Variants in TGFBR3 observed in about 807,000 individuals in gnomAD.
The protein encoded by TGFBR3 is transforming growth factor beta receptor 3.
In TGFBR3, 46 loss-of-function variants were observed where a neutral mutation model predicts 87.9. That is an observed-to-expected ratio of 0.52 (90% CI 0.41 to 0.67). TGFBR3 has a LOEUF of 0.67. TGFBR3 is among the 30% of genes least tolerant of loss of function. TGFBR3 has a pLI of 0.00. For synonymous variants in TGFBR3, 381 were observed against 391.6 expected, an observed-to-expected ratio of 0.97 and a Z score of 0.32; for missense variants, 866 against 1,041.9, an observed-to-expected ratio of 0.83 and a Z score of 2.32.
chr1:91,827,954 T>C (rs1280264580), intron 2 of TGFBR3, among the ~76,000 whole-genome samples: 2 of 152,212 alleles, frequency 1.3e-5, no homozygotes, highest in African/African-American at 4.8e-5. Context: ...GACTTGTTAT[T>C]AACCACACTG....
At chr1:91,784,867 C>T (rs1423400487) in intron 3 of TGFBR3, among the ~76,000 whole-genome samples, 2 of 152,196 alleles carry the variant, frequency 1.3e-5, no homozygotes, top group Non-Finnish European at 2.9e-5. Context: ...ATCTTCCACT[C>T]AGCCCCAGCC....
intron 3 of TGFBR3, among the ~76,000 whole-genome samples, chr1:91,766,018 G>A (rs1247365915): frequency 6.6e-6 from 1 of 151,730 alleles, no homozygotes; most frequent in Non-Finnish European, 1.5e-5. Flanking sequence ...CTATACAAAC[G>A]TATTTCCTCT....
chr1:91,809,253 T>C (rs1283798713), intron 2 of TGFBR3, among the ~76,000 whole-genome samples: 3 of 152,192 alleles, frequency 2.0e-5, no homozygotes, highest in South Asian at 2.1e-4. Flanking sequence ...TTTTTTATCA[T>C]TTGCAAACTG....
chr1:91,788,536 G>C (rs373178269), intron 3 of TGFBR3, among the ~76,000 whole-genome samples: 5 of 152,208 alleles, frequency 3.3e-5, no homozygotes, highest in African/African-American at 1.2e-4. Context: ...ACCGTGGAAG[G>C]AGTGATTGAA....
In TGFBR3 at chr1:91,735,489, TA is replaced by T. The variant is rs559081072; in HGVS notation, c.385-531del. Among the ~76,000 whole-genome samples the T allele has an allele frequency of 1.4e-4, 21 of 152,354 alleles. No homozygotes were observed. The East Asian group carries it at 3.9e-3, about 28-fold the overall frequency. On this transcript the variant is annotated intron_variant, in intron 4 of 16. Transcript: ENST00000212355. ...GTTTATGTTCACCTCAGCACTGAGATAAAAATGGCCAAAGGTTGCCAGCCTT... is the reference window on the plus strand; with the variant it reads ...GTTTATGTTCACCTCAGCACTGAGATAAAATGGCCAAAGGTTGCCAGCCTT...
At chr1:91,685,121 C>T (rs1291288676) in intron 16 of TGFBR3, among the ~76,000 whole-genome samples, 1 of 152,142 alleles carries the variant, frequency 6.6e-6, no homozygotes, top group Non-Finnish European at 1.5e-5. Context: ...GTCCCTGGGT[C>T]TGGTTACAGC....
At chr1:91,741,399 C>T (rs1031287544) in intron 4 of TGFBR3, among the ~76,000 whole-genome samples, 4 of 152,226 alleles carry the variant, frequency 2.6e-5, no homozygotes, top group South Asian at 2.1e-4. Context: ...CCCCACGCCC[C>T]GGCACCTCCA....
rs984252164 is a variant in TGFBR3, at chr1:91,813,152, C to G, written c.62-15681G>C. 3.3e-5 allele frequency among the ~76,000 whole-genome samples: 5 copies of G among 152,266 alleles called. No individual in the cohort carries two copies. In the South Asian group the frequency reaches 1.0e-3, roughly 32 times the overall value. On this transcript the variant is annotated intron_variant, in intron 2 of 16. Transcript: ENST00000212355. ...TAACTCACTAAAACGTTCTGACTTC[C>G]TTCATGATGCACAAACCTGCTGTAA... is the stretch of plus-strand genomic sequence containing the variant.
intron 2 of TGFBR3, among the ~76,000 whole-genome samples, chr1:91,826,245 C>T (rs560300953): frequency 1.4e-4 from 21 of 152,118 alleles, no homozygotes; most frequent in Middle Eastern, 3.4e-3. Flanking sequence ...AGAAGGCTGC[C>T]GAGGGAACGG....
intron 1 of TGFBR3, among the ~76,000 whole-genome samples, chr1:91,900,045 TA>T (rs1013436031): frequency 2.0e-5 from 3 of 149,382 alleles, no homozygotes; most frequent in African/African-American, 4.9e-5. Context: ...TTGGAGTAGT[TA>T]AAAAAAAAAG....
chr1:91,850,381 C>T (rs1677680977), intron 2 of TGFBR3, among the ~76,000 whole-genome samples: 1 of 152,218 alleles, frequency 6.6e-6, no homozygotes, highest in Non-Finnish European at 1.5e-5. Context: ...ATAACTTTAA[C>T]TTTCAGCAAT....
rs185157874 is a variant in TGFBR3, at chr1:91,726,316, T to C, written c.885+1343A>G. ...CCTTTCAAAGCATGATTCCCTTTCC[T>C]GTTTTTGTTATTCTGAAATTAAAAA... On this transcript the variant is annotated intron_variant, in intron 7 of 16. Coordinates refer to ENST00000212355, the MANE Select transcript of TGFBR3 (RefSeq NM_003243.5). Among the ~76,000 whole-genome samples, 14 of 152,362 alleles carry C rather than the reference T, an allele frequency of 9.2e-5. No homozygotes were observed. In the East Asian group the frequency reaches 2.7e-3, roughly 29 times the overall value.
intron 1 of TGFBR3, among the ~76,000 whole-genome samples, chr1:91,874,422 G>A (rs1169084858): frequency 6.6e-6 from 1 of 152,198 alleles, no homozygotes; most frequent in African/African-American, 2.4e-5. Flanking sequence ...ACCAGCATAA[G>A]AGTGGTGGGC....
intron 4 of TGFBR3, among the ~76,000 whole-genome samples, chr1:91,735,542 A>G (rs1672938749): frequency 6.6e-6 from 1 of 152,246 alleles, no homozygotes; most frequent in Admixed American, 6.5e-5. Context: ...ATTTCATAAG[A>G]GTGAGATGAA....
chr1:91,855,909 C>T (rs1267147511), intron 2 of TGFBR3, among the ~76,000 whole-genome samples: 3 of 146,040 alleles, frequency 2.1e-5, no homozygotes, highest in African/African-American at 7.7e-5. Context: ...TATTCTCTCT[C>T]TTTTTTTTTT....
intron 3 of TGFBR3, among the ~76,000 whole-genome samples, chr1:91,776,495 G>A (rs1181430155): frequency 1.3e-5 from 2 of 152,176 alleles, no homozygotes; most frequent in Non-Finnish European, 2.9e-5. Context: ...ATGACCTTGG[G>A]TAGAATACTT....
intron 16 of TGFBR3, among the ~76,000 whole-genome samples, chr1:91,692,455 A>C (rs1342764153): frequency 1.3e-5 from 2 of 152,154 alleles, no homozygotes; most frequent in Non-Finnish European, 2.9e-5. Flanking sequence ...TACTACTTTG[A>C]TGAAGCTAAA....
chr1:91,892,874 A>T (rs1337213068), intron 2 of TGFBR3, among the ~76,000 whole-genome samples: 1 of 152,212 alleles, frequency 6.6e-6, no homozygotes. Context: ...TTCATCCAAA[A>T]AGTTCACAAT....
chr1:91,841,577 G>A (rs1470092513), intron 2 of TGFBR3, among the ~76,000 whole-genome samples: 1 of 148,022 alleles, frequency 6.8e-6, no homozygotes, highest in Non-Finnish European at 1.5e-5. Flanking sequence ...GGCAGATCAC[G>A]AGGTCAGGAG....
Sources: allele counts gnomAD v4.1 joint callset (sites outside exome capture counted in the v4.1 genomes callset), GRCh38; gene constraint gnomAD v4.1.1; transcripts MANE v1.5; gene names NCBI Gene and HGNC (gene_info 2026-07-23, HGNC 2026-07-21).